ABCC1: variants seen among roughly 807,000 people sequenced by gnomAD.
The protein encoded by ABCC1 is ATP binding cassette subfamily C member 1 (ABCC1 blood group).
Under a neutral mutation model 172.9 loss-of-function variants are expected in ABCC1, and 83 were observed. The ratio of observed to expected loss-of-function variants is 0.48; its 90% CI spans 0.40 to 0.58. The LOEUF (loss-of-function observed/expected upper bound fraction) is 0.58, where lower values mean the gene tolerates loss of function less well. Among genes scored for constraint, ABCC1 ranks in the 20% least tolerant of loss-of-function variants. The pLI is 0.00. For missense variants in ABCC1, 1,817 were observed against 2,002.7 expected, an observed-to-expected ratio of 0.91 and a Z score of 1.77; for synonymous variants, 937 against 825.2, an observed-to-expected ratio of 1.14 and a Z score of -2.32.
chr16:16,072,155 C>T (rs1484462674), intron 14 of ABCC1, among the ~76,000 whole-genome samples: 1 of 150,282 alleles, frequency 6.7e-6, no homozygotes, highest in Non-Finnish European at 1.5e-5. Context: ...AACAAAAGTA[C>T]CTTTCTTTGG....
chr16:16,041,359 G>C (rs1007685225), intron 7 of ABCC1, among the ~76,000 whole-genome samples: 2 of 152,132 alleles, frequency 1.3e-5, no homozygotes, highest in Non-Finnish European at 2.9e-5. Context: ...TTATTCATCT[G>C]TACACTTTGA....
chr16:16,141,041 G>A (rs1005847003), intron 30 of ABCC1, 132 bp from the exon 31 acceptor site: 9 of 705,942 alleles, frequency 1.3e-5, no homozygotes, highest in Non-Finnish European at 2.2e-5. Context: ...CAGCTGGAAG[G>A]TACTGCACCA....
chr16:16,091,416 A>G (rs2152022946), intron 19 of ABCC1, among the ~76,000 whole-genome samples: 1 of 151,954 alleles, frequency 6.6e-6, no homozygotes, highest in South Asian at 2.1e-4. Flanking sequence ...AAAAAAAAAA[A>G]AAAAAAATTC....
chr16:16,121,712 A>G (rs746647006), intron 23 of ABCC1, among the ~76,000 whole-genome samples: 11 of 152,178 alleles, frequency 7.2e-5, no homozygotes, highest in Non-Finnish European at 1.6e-4. Context: ...GAATGAACTG[A>G]TGTTTGTAAA....
In ABCC1 at chr16:16,120,709, G is replaced by A. The variant is rs1244649858; in HGVS notation, c.3391-1266G>A. On this transcript the variant is annotated intron_variant, in intron 23 of 30. Coordinates refer to ENST00000399410, the MANE Select transcript of ABCC1 (RefSeq NM_004996.4). The stretch of plus-strand genomic sequence containing the variant: ...ATGGGCATGGTGGGTGGAGGCAGGC[G>A]GCCTGTGTGCAGGGAAGGAAGGGGA... 6.6e-5 allele frequency among the ~76,000 whole-genome samples: 10 copies of A among 152,248 alleles called. No homozygotes were observed. The East Asian group carries it at 7.7e-4, about 12-fold the overall frequency.
intron 1 of ABCC1, among the ~76,000 whole-genome samples, chr16:15,991,860 G>A (rs1301446520): frequency 6.6e-6 from 1 of 151,954 alleles, no homozygotes; most frequent in Admixed American, 6.6e-5. Context: ...ATCTCCCCTA[G>A]GATCTTCTCC....
At chr16:16,074,099 G>A (rs959979569) in intron 14 of ABCC1, among the ~76,000 whole-genome samples, 1 of 152,140 alleles carries the variant, frequency 6.6e-6, no homozygotes, top group African/African-American at 2.4e-5. Context: ...TTTTATCCTG[G>A]GCGCTACTGA....
At chr16:16,139,719 C>T (rs143321625) in intron 30 of ABCC1, among the ~76,000 whole-genome samples, 5 of 152,086 alleles carry the variant, frequency 3.3e-5, no homozygotes, top group South Asian at 4.1e-4. Flanking sequence ...AAGCCACCTC[C>T]GTAGGCATCA....
Position 16,114,911 on chromosome 16 carries a change from C to T in ABCC1, c.3225C>T (p.Arg1075=). Reference sequence around the variant, plus strand: ...CCCCCAGTGGGAACCTGGTGAACCGCTTCTCCAAGGAGCTGGACACAGTGG... The same window carrying T: ...CCCCCAGTGGGAACCTGGTGAACCGTTTCTCCAAGGAGCTGGACACAGTGG... ...ERTPSGNLVN[R]FSKELDTVDS... Residue 1075 remains arginine, a synonymous_variant, in exon 23 of 31, where the codon CGC becomes CGT. Coordinates refer to ENST00000399410, the MANE Select transcript of ABCC1 (RefSeq NM_004996.4). 6.2e-7 allele frequency: 1 copy of T among 1,614,006 alleles called. No homozygotes were observed. Among genetic ancestry groups the T allele is most frequent in the Non-Finnish European group, 8.5e-7 (1 of 1,179,948 alleles).
chr16:16,112,790 C>T lies in ABCC1; in HGVS notation c.3079+1208C>T, dbSNP rs186936893. Among the ~76,000 whole-genome samples the T allele has an allele frequency of 2.0e-4, 30 of 152,338 alleles. No homozygotes were observed. In the East Asian group the frequency reaches 5.0e-3, roughly 25 times the overall value. Reference sequence around the variant, plus strand: ...TGGATAGTCTTGACACATTTGAGTACTTCTGTATGCCAGGCACATTGCCAG... The same window carrying T: ...TGGATAGTCTTGACACATTTGAGTATTTCTGTATGCCAGGCACATTGCCAG... On this transcript the variant is annotated intron_variant, in intron 22 of 30. Coordinates refer to ENST00000399410, the MANE Select transcript of ABCC1 (RefSeq NM_004996.4).
At chr16:15,990,454 C>T (rs1461869315) in intron 1 of ABCC1, among the ~76,000 whole-genome samples, 5 of 152,108 alleles carry the variant, frequency 3.3e-5, no homozygotes, top group Non-Finnish European at 4.4e-5. Flanking sequence ...AAACTTTATA[C>T]GCTTTGACCA....
chr16:16,036,572 A>G lies in ABCC1; in HGVS notation c.778A>G (p.Asn260Asp), dbSNP rs1010547369. Reference protein sequence around the residue: ...SEQVVPVLVKNWKKECAKTRK... With the variant: ...SEQVVPVLVKDWKKECAKTRK... ...ACAAGTCGTGCCTGTTTTGGTAAAG[A>G]ACTGGAAGAAGGAATGCGCCAAGAC... Residue 260 changes from asparagine to aspartate, a missense_variant, in exon 7 of 31, where the codon AAC (asparagine) becomes GAC (aspartate). By Grantham distance (23) the Asn-to-Asp change is conservative. Transcript: ENST00000399410. 3.7e-6 allele frequency: 6 copies of G among 1,614,028 alleles called. No homozygotes were observed. The highest frequency in any genetic ancestry group is 4.2e-6 in the Non-Finnish European group (5 of 1,179,998).
intron 1 of ABCC1, among the ~76,000 whole-genome samples, chr16:15,950,439 C>T (rs1238479125): frequency 1.3e-5 from 2 of 152,118 alleles, no homozygotes; most frequent in African/African-American, 4.8e-5. Context: ...ACCCTCGGCT[C>T]GGGGCAGACT....
At chr16:15,969,561 C>A (rs141796825) in intron 1 of ABCC1, among the ~76,000 whole-genome samples, 1 of 151,102 alleles carries the variant, frequency 6.6e-6, no homozygotes, top group Admixed American at 6.6e-5. Flanking sequence ...TTAGTAGAGA[C>A]GGGTTTTGCC....
chr16:15,974,113 G>A (rs909670489), intron 1 of ABCC1, among the ~76,000 whole-genome samples: 13 of 152,216 alleles, frequency 8.5e-5, no homozygotes, highest in African/African-American at 3.1e-4. Flanking sequence ...CTATGTGAGT[G>A]CTTCTAAAAG....
intron 24 of ABCC1, 145 bp downstream of exon 24, chr16:16,122,319 G>A (rs1043232503): frequency 3.2e-5 from 27 of 845,306 alleles, no homozygotes; most frequent in African/African-American, 1.5e-4. Flanking sequence ...TGATGAGCGC[G>A]GAGGACAGAT....
intron 1 of ABCC1, among the ~76,000 whole-genome samples, chr16:15,971,467 G>A (rs544558007): frequency 1.3e-5 from 2 of 152,134 alleles, no homozygotes; most frequent in Non-Finnish European, 2.9e-5. Context: ...AAACTTTTCC[G>A]GAGTTGCTTT....
chr16:16,131,970 C>G, intron 27 of ABCC1, 35 bp downstream of exon 27: 2 of 1,600,064 alleles, frequency 1.2e-6, no homozygotes, highest in Non-Finnish European at 1.7e-6. Flanking sequence ...TCACCCATTC[C>G]CAGTCGGGCA....
intron 15 of ABCC1, 32 bp downstream of exon 15, chr16:16,076,433 T>C (rs1390897708): frequency 5.1e-6 from 8 of 1,568,418 alleles, no homozygotes; most frequent in Admixed American, 2.0e-5. Flanking sequence ...CGTGATGGTG[T>C]GGAGAGAGCC....
Sources: gnomAD v4.1 joint callset for allele counts (sites outside exome capture counted in the v4.1 genomes callset) on GRCh38, gnomAD v4.1.1 for gene constraint, MANE v1.5 for transcripts, NCBI Gene and HGNC (gene_info 2026-07-23, HGNC 2026-07-21) for gene names.